Variants in ARHGEF17 observed in about 807,000 individuals in gnomAD.
ARHGEF17 encodes the protein Rho guanine nucleotide exchange factor 17.
A neutral mutation model predicts 174.0 loss-of-function variants in ARHGEF17; 80 were observed. The ratio of observed to expected loss-of-function variants is 0.46; its 90% CI spans 0.38 to 0.55. The LOEUF (loss-of-function observed/expected upper bound fraction) is 0.55. Among genes scored for constraint, ARHGEF17 ranks in the 20% least tolerant of loss-of-function variants. The pLI is 0.00. For missense variants in ARHGEF17, 2,886 were observed against 2,839.7 expected, an observed-to-expected ratio of 1.02 and a Z score of -0.37; for synonymous variants, 1,311 against 1,189.1, an observed-to-expected ratio of 1.10 and a Z score of -2.11.
chr11:73,313,039 C>A (rs895780291), intron 1 of ARHGEF17, among the ~76,000 whole-genome samples: 1 of 152,188 alleles, frequency 6.6e-6, no homozygotes, highest in African/African-American at 2.4e-5. Context: ...CCACTGCGCT[C>A]CCTGACTGTG....
chr11:73,364,507 C>T lies in ARHGEF17; in HGVS notation c.5457C>T (p.Ser1819=). 1 of 1,613,770 alleles carries T rather than the reference C, an allele frequency of 6.2e-7. No individual in the cohort carries two copies. The highest frequency in any genetic ancestry group is 8.5e-7 in the Non-Finnish European group (1 of 1,179,956). ...CAGTGACCTTGGGCACCCAGGGGAG[C>T]CCCATCACCAAGATGGTATCTGTGG... ...FKSVTLGTQG[S]PITKMVSVGG... Residue 1819 remains serine (S), a synonymous_variant, in exon 18 of 21, where the codon AGC becomes AGT. Transcript: ENST00000263674.
chr11:73,329,271 T>TA (rs1202337907), intron 1 of ARHGEF17, among the ~76,000 whole-genome samples: 1 of 139,312 alleles, frequency 7.2e-6, no homozygotes, highest in Non-Finnish European at 1.5e-5. Flanking sequence ...CCTTGCTCGT[T>TA]ACACTTAATG....
At chr11:73,323,658 C>T (rs1022573475) in intron 1 of ARHGEF17, among the ~76,000 whole-genome samples, 6 of 152,248 alleles carry the variant, frequency 3.9e-5, no homozygotes, top group African/African-American at 7.2e-5. Context: ...GGCCTGGACC[C>T]GCCACTTCCA....
In ARHGEF17 at chr11:73,311,210, C is replaced by T. The variant is rs1223055017; in HGVS notation, c.2572C>T (p.Pro858Ser). The change falls in exon 1 of 21, where the codon CCT becomes TCT. Residue 858 changes from proline to serine, a missense_variant. By Grantham distance (74) the Pro-to-Ser change is moderately conservative. Around this residue, in one of 4 missense-constraint regions of ARHGEF17, gnomAD observed 1,728 missense variants for 1,461.2 expected, o/e 1.18. Transcript: ENST00000263674. ...CATCCGAGAAGTTGAGCCCATGCTG[C>T]CTCCATCCAGCAGCGAGCCCATCCT... is the stretch of plus-strand genomic sequence containing the variant. ...EPIREVEPML[P>S]PSSSEPILVE... The T allele has an allele frequency of 1.9e-6, 3 of 1,601,466 alleles. No individual in the cohort carries two copies. The highest frequency in any genetic ancestry group is 2.6e-6 in the Non-Finnish European group (3 of 1,171,702).
chr11:73,360,291 G>T, intron 10 of ARHGEF17, 29 bp from the exon 11 acceptor site: 1 of 1,611,170 alleles, frequency 6.2e-7, no homozygotes, highest in South Asian at 1.1e-5. Context: ...AGATGCTGGG[G>T]CCTGAGGCCT....
intron 1 of ARHGEF17, among the ~76,000 whole-genome samples, chr11:73,324,016 G>A (rs56775065): frequency 0.13 from 20,286 of 152,128 alleles, 1,755 homozygotes; most frequent in African/African-American, 0.25. Flanking sequence ...CATCTCCTCT[G>A]ACCATCTGTG....
Position 73,363,834 on chromosome 11 carries a change from G to A in ARHGEF17, c.5333+1G>A. ...ATGCGGCCTCTGTGACCTGCATCTT[G>A]TAAGGCCCCAGGGTGGCCCTTCCTA... On this transcript the variant is annotated splice_donor_variant, in intron 16 of 20. Coordinates refer to ENST00000263674, the MANE Select transcript of ARHGEF17 (RefSeq NM_014786.4). LOFTEE classifies it high-confidence loss of function. 1 of 1,613,852 alleles carries A rather than the reference G, an allele frequency of 6.2e-7. No homozygotes were observed. The highest frequency in any genetic ancestry group is 1.1e-5 in the South Asian group (1 of 91,088).
chr11:73,327,581 G>C (rs1005897218), intron 1 of ARHGEF17, among the ~76,000 whole-genome samples: 2 of 152,220 alleles, frequency 1.3e-5, no homozygotes, highest in Admixed American at 6.5e-5. Flanking sequence ...GAAAAATGTA[G>C]AATGAGTAGG....
In ARHGEF17 at chr11:73,308,824, G is replaced by C; in HGVS notation, c.186G>C (p.Ala62=). The C allele has an allele frequency of 7.4e-7, 1 of 1,344,782 alleles. No individual in the cohort carries two copies. The highest frequency in any genetic ancestry group is 1.9e-5 in the South Asian group (1 of 53,190). 83.3% of individuals were successfully genotyped at this position (1,344,782 alleles called of 1,614,324 possible). Residue 62 remains alanine, a synonymous_variant, in exon 1 of 21, where the codon GCG becomes GCC. Coordinates refer to ENST00000263674, the MANE Select transcript of ARHGEF17 (RefSeq NM_014786.4). ...GQPSRRVSKL[A]SGPLAAPAQP... Reference sequence around the variant, plus strand: ...CCTCTCGGCGCGTGTCCAAGCTGGCGTCTGGGCCCCTGGCCGCCCCCGCGC... The same window carrying C: ...CCTCTCGGCGCGTGTCCAAGCTGGCCTCTGGGCCCCTGGCCGCCCCCGCGC...
At chr11:73,347,618 T>A (rs1865485676) in intron 2 of ARHGEF17, among the ~76,000 whole-genome samples, 1 of 152,174 alleles carries the variant, frequency 6.6e-6, no homozygotes. Flanking sequence ...AACGCGCTGG[T>A]CCCATAGCTA....
In ARHGEF17 at chr11:73,368,038, C is replaced by T. The variant is rs1031326400; in HGVS notation, c.*258C>T. 19 of 430,612 alleles carry T rather than the reference C, an allele frequency of 4.4e-5. No individual in the cohort carries two copies. The highest frequency in any genetic ancestry group is 6.7e-5 in the Non-Finnish European group (16 of 237,490). The allele number at this position is 430,612 out of a possible 1,614,324, so 26.7% of individuals were successfully genotyped here. On this transcript the variant is annotated 3_prime_UTR_variant, in exon 21 of 21. Coordinates refer to ENST00000263674, the MANE Select transcript of ARHGEF17 (RefSeq NM_014786.4). Reference sequence around the variant, plus strand: ...GGGGGACATGTGGGCTGACCAGGACCTCTGACCCTGGAGCTTCTACCAAAG... The same window carrying T: ...GGGGGACATGTGGGCTGACCAGGACTTCTGACCCTGGAGCTTCTACCAAAG...
Position 73,368,032 on chromosome 11 carries a change from C to T in ARHGEF17, c.*252C>T. 2.2e-6 allele frequency: 1 copy of T among 449,554 alleles called. No individual in the cohort carries two copies. Among genetic ancestry groups the T allele is most frequent in the Non-Finnish European group, 4.0e-6 (1 of 248,324 alleles). The allele number at this position is 449,554 out of a possible 1,614,324, so 27.8% of individuals were successfully genotyped here. On this transcript the variant is annotated 3_prime_UTR_variant, in exon 21 of 21. Coordinates refer to ENST00000263674, the MANE Select transcript of ARHGEF17 (RefSeq NM_014786.4). ...TCGGGTGGGGGACATGTGGGCTGAC[C>T]AGGACCTCTGACCCTGGAGCTTCTA...
chr11:73,336,782 T>C (rs1019610398), intron 1 of ARHGEF17, among the ~76,000 whole-genome samples: 2 of 152,194 alleles, frequency 1.3e-5, no homozygotes, highest in Non-Finnish European at 2.9e-5. Context: ...TCATGCAGTG[T>C]GGTCGGATAG....
intron 17 of ARHGEF17, 45 bp downstream of exon 17, chr11:73,364,284 G>A (rs368933138): frequency 1.9e-4 from 313 of 1,608,934 alleles, no homozygotes; most frequent in Non-Finnish European, 2.5e-4. Flanking sequence ...TCCCCTTACT[G>A]GTGTTGGGGC....
chr11:73,367,372 C>T (rs189775191), intron 20 of ARHGEF17, among the ~76,000 whole-genome samples: 77 of 152,310 alleles, frequency 5.1e-4, no homozygotes, highest in Middle Eastern at 3.4e-3. Context: ...TGACTCCTGA[C>T]TAGAGATTAC....
intron 20 of ARHGEF17, among the ~76,000 whole-genome samples, chr11:73,366,721 G>C (rs567409404): frequency 6.6e-6 from 1 of 152,254 alleles, no homozygotes; most frequent in African/African-American, 2.4e-5. Flanking sequence ...GGGTGACAGA[G>C]TGATACCCTG....
At chr11:73,361,234 CATT>C in intron 12 of ARHGEF17, 73 bp downstream of exon 12, 1 of 1,406,564 alleles carries the variant, frequency 7.1e-7, no homozygotes, top group Non-Finnish European at 1.0e-6. Context: ...TTGTGTACGA[CATT>C]GTGTATATGC....
Position 73,362,221 on chromosome 11 carries a change from T to A in ARHGEF17, c.4676T>A (p.Leu1559Gln). Residue 1559 changes from leucine (L) to glutamine (Q), a missense_variant, in exon 13 of 21, where the codon CTG becomes CAG. Physicochemically the swap from Leu to Gln is moderately radical, Grantham distance 113. This residue lies in a region of ARHGEF17 where 476 missense variants were observed against 473.1 expected (regional missense o/e 1.01). Coordinates refer to ENST00000263674, the MANE Select transcript of ARHGEF17 (RefSeq NM_014786.4). ...RILCIGAVPGLQPRCHREPPP... is the reference protein window; with the variant it reads ...RILCIGAVPGQQPRCHREPPP... ...CTCTGCATCGGGGCGGTGCCCGGGC[T>A]GCAGCCTCGCTGCCACCGGTGAGGC... 6.5e-7 allele frequency: 1 copy of A among 1,543,242 alleles called. No individual in the cohort carries two copies. Among genetic ancestry groups the A allele is most frequent in the Non-Finnish European group, 8.7e-7 (1 of 1,149,184 alleles).
At chr11:73,322,941 G>T (rs1212202383) in intron 1 of ARHGEF17, among the ~76,000 whole-genome samples, 1 of 152,186 alleles carries the variant, frequency 6.6e-6, no homozygotes. Flanking sequence ...ACAATTTGGA[G>T]GCAGAATCTG....
Sources: allele counts gnomAD v4.1 joint callset (sites outside exome capture counted in the v4.1 genomes callset), GRCh38; gene constraint gnomAD v4.1.1; regional missense constraint gnomAD v4.1.1; transcripts MANE v1.5; gene names NCBI Gene and HGNC (gene_info 2026-07-23, HGNC 2026-07-21).